The following CSMD1 variants were observed in gnomAD, a reference collection of about 807,000 sequenced individuals.
The protein encoded by CSMD1 is CUB and sushi domain-containing protein 1.
In CSMD1, 213 loss-of-function variants were observed where a neutral mutation model predicts 417.5. The ratio of observed to expected loss-of-function variants is 0.51; its 90% CI spans 0.46 to 0.57. CSMD1 has a LOEUF of 0.57. Among genes scored for constraint, CSMD1 ranks in the 20% least tolerant of loss-of-function variants. The probability of loss-of-function intolerance (pLI) is 0.00; values close to 1 mark genes in which losing one functional copy is unlikely to be tolerated. For synonymous variants in CSMD1, 2,862 were observed against 1,736.8 expected, an observed-to-expected ratio of 1.65 and a Z score of -16.11; for missense variants, 6,923 against 4,529.7, an observed-to-expected ratio of 1.53 and a Z score of -15.17.
intron 1 of CSMD1, among the ~76,000 whole-genome samples, chr8:4,912,122 C>CAAAAAAA (rs36194482): frequency 5.2e-4 from 44 of 84,532 alleles, no homozygotes; most frequent in South Asian, 1.7e-3. Flanking sequence ...AACATAGCTT[C>CAAAAAAA]AAAAAAAAAA....
chr8:3,440,078 T>A (rs1330813916), intron 12 of CSMD1, among the ~76,000 whole-genome samples: 1 of 152,170 alleles, frequency 6.6e-6, no homozygotes, highest in Non-Finnish European at 1.5e-5. Flanking sequence ...GCAGTGAAAT[T>A]GGGTAAGGTG....
chr8:4,757,945 G>C (rs1415934121), intron 1 of CSMD1, among the ~76,000 whole-genome samples: 1 of 131,114 alleles, frequency 7.6e-6, no homozygotes, highest in Non-Finnish European at 1.6e-5. Context: ...GGGCAACAGA[G>C]AGAGACTTTG....
intron 25 of CSMD1, among the ~76,000 whole-genome samples, chr8:3,297,167 A>C (rs1045647440): frequency 1.1e-4 from 17 of 152,320 alleles, no homozygotes; most frequent in Middle Eastern, 3.4e-3. Context: ...CATTGAGACA[A>C]ATCATACAAA....
At chr8:4,287,466 A>G (rs566448889) in intron 3 of CSMD1, among the ~76,000 whole-genome samples, 2 of 152,252 alleles carry the variant, frequency 1.3e-5, no homozygotes, top group African/African-American at 4.8e-5. Flanking sequence ...ATTAGAAATG[A>G]CAAGCCCAGG....
chr8:4,305,350 A>T (rs1238330298), intron 3 of CSMD1, among the ~76,000 whole-genome samples: 17 of 152,136 alleles, frequency 1.1e-4, no homozygotes, highest in Admixed American at 1.1e-3. Flanking sequence ...GTGAGACCCG[A>T]ACTGGAATCT....
rs141989221 is a variant in CSMD1 at position 4,565,297 on chromosome 8, T to C, written c.302+72045A>G. Among the ~76,000 whole-genome samples the C allele has an allele frequency of 3.7e-4, 57 of 152,304 alleles. No individual in the cohort carries two copies. In the East Asian group the frequency reaches 9.7e-3, roughly 26 times the overall value. ...TTGAGTGAACAAGTGTAACTGTAAA[T>C]TTCTAAATCAGTCTTAGGCAGTGAT... is the stretch of plus-strand genomic sequence containing the variant. On this transcript the variant is annotated intron_variant, in intron 2 of 69. Transcript: ENST00000635120.
At chr8:4,674,989 C>T (rs1017934096) in intron 1 of CSMD1, among the ~76,000 whole-genome samples, 1 of 152,134 alleles carries the variant, frequency 6.6e-6, no homozygotes, top group African/African-American at 2.4e-5. Flanking sequence ...CAGCTGTCTC[C>T]AAACCAAGAA....
intron 2 of CSMD1, among the ~76,000 whole-genome samples, chr8:4,614,863 G>A (rs144671369): frequency 6.6e-6 from 1 of 152,032 alleles, no homozygotes; most frequent in African/African-American, 2.4e-5. Flanking sequence ...AAAACCTAAA[G>A]ATATAAAGTA....
chr8:3,024,348 C>T (rs912723174), intron 51 of CSMD1, among the ~76,000 whole-genome samples: 3 of 151,700 alleles, frequency 2.0e-5, no homozygotes, highest in African/African-American at 4.8e-5. Context: ...CTCTGTCGCC[C>T]AGGCTAGATT....
intron 5 of CSMD1, among the ~76,000 whole-genome samples, chr8:3,802,328 C>T (rs1048914991): frequency 6.6e-6 from 1 of 151,918 alleles, no homozygotes; most frequent in Non-Finnish European, 1.5e-5. Context: ...ATAGTAATTC[C>T]TATTATGTTA....
At chr8:4,196,956 T>C (rs958416239) in intron 3 of CSMD1, among the ~76,000 whole-genome samples, 3 of 152,238 alleles carry the variant, frequency 2.0e-5, no homozygotes, top group Admixed American at 2.0e-4. Flanking sequence ...GCTCCAATTT[T>C]AGTCATTTGA....
intron 5 of CSMD1, among the ~76,000 whole-genome samples, chr8:3,855,828 A>T: frequency 6.6e-6 from 1 of 152,172 alleles, no homozygotes; most frequent in East Asian, 1.9e-4. Flanking sequence ...TTACGTAAAC[A>T]TCTTTGATTT....
intron 4 of CSMD1, among the ~76,000 whole-genome samples, chr8:4,026,837 C>A (rs1432730033): frequency 6.6e-6 from 1 of 152,174 alleles, no homozygotes; most frequent in African/African-American, 2.4e-5. Flanking sequence ...CAGGGAGACT[C>A]TGTGGCAGTG....
chr8:3,931,922 C>T (rs547111620), intron 5 of CSMD1, among the ~76,000 whole-genome samples: 3 of 148,378 alleles, frequency 2.0e-5, no homozygotes, highest in African/African-American at 5.0e-5. Flanking sequence ...AAAAAGATCA[C>T]AGAACCCAAT....
In CSMD1 at chr8:4,255,987, T is replaced by C. The variant is rs531238519; in HGVS notation, c.415+163966A>G. On this transcript the variant is annotated intron_variant, in intron 3 of 69. Transcript: ENST00000635120. Reference sequence around the variant, plus strand: ...AAGCTTTGGTGAAAATACGACTACGTGCAGGGTAGAGAGGGTTATCTCATA... The same window carrying C: ...AAGCTTTGGTGAAAATACGACTACGCGCAGGGTAGAGAGGGTTATCTCATA... Among the ~76,000 whole-genome samples, 14 of 152,194 alleles carry C rather than the reference T, an allele frequency of 9.2e-5. 1 individual carries two copies. Among genetic ancestry groups the C allele is most frequent in the African/African-American group, 3.4e-4 (14 of 41,438 alleles).
chr8:4,699,720 G>T (rs541692954), intron 1 of CSMD1, among the ~76,000 whole-genome samples: 2 of 152,230 alleles, frequency 1.3e-5, no homozygotes, highest in East Asian at 1.9e-4. Flanking sequence ...AATTTATGAG[G>T]TGTTAATTTC....
intron 3 of CSMD1, among the ~76,000 whole-genome samples, chr8:4,349,761 C>T (rs969589430): frequency 6.6e-6 from 1 of 151,180 alleles, no homozygotes; most frequent in Non-Finnish European, 1.5e-5. Context: ...CCAAATGAAT[C>T]TTTCCTCCAT....
intron 3 of CSMD1, among the ~76,000 whole-genome samples, chr8:4,125,825 C>A (rs1262726684): frequency 6.6e-6 from 1 of 152,168 alleles, no homozygotes; most frequent in African/African-American, 2.4e-5. Flanking sequence ...AGACCCCCAT[C>A]TTACCTGGTG....
chr8:3,015,419 G>C (rs1003173088), intron 52 of CSMD1, among the ~76,000 whole-genome samples: 3 of 151,840 alleles, frequency 2.0e-5, no homozygotes, highest in Non-Finnish European at 4.4e-5. Flanking sequence ...TAGTTTTGGG[G>C]GTTGTTTTGT....
Sources: gnomAD v4.1 joint callset for allele counts (sites outside exome capture counted in the v4.1 genomes callset) on GRCh38, gnomAD v4.1.1 for gene constraint, MANE v1.5 for transcripts, NCBI Gene and HGNC (gene_info 2026-07-23, HGNC 2026-07-21) for gene names.